The following SMARCA2 variants were observed in gnomAD, a reference collection of about 807,000 sequenced individuals.
SMARCA2 encodes SWI/SNF related BAF chromatin remodeling complex subunit ATPase 2.
SMARCA2 carries 61 observed loss-of-function variants against 199.8 expected under a neutral mutation model. The ratio of observed to expected loss-of-function variants is 0.31; its 90% CI spans 0.25 to 0.38. The LOEUF is 0.38. Ranked by LOEUF, SMARCA2 falls within the 10% of genes least tolerant of loss-of-function variation. The pLI is 1.00. For synonymous variants in SMARCA2, 935 were observed against 732.0 expected, an observed-to-expected ratio of 1.28 and a Z score of -4.48; for missense variants, 1,344 against 2,012.2, an observed-to-expected ratio of 0.67 and a Z score of 6.35.
chr9:2,073,397 A>T, intron 11 of SMARCA2, 55 bp downstream of exon 11: 4 of 1,602,216 alleles, frequency 2.5e-6, no homozygotes, highest in Middle Eastern at 1.7e-4. Flanking sequence ...GATTTTGGTA[A>T]TCTTGTACGA....
chr9:2,038,871 A>G (rs1173020860), intron 3 of SMARCA2, among the ~76,000 whole-genome samples: 2 of 152,212 alleles, frequency 1.3e-5, no homozygotes, highest in Non-Finnish European at 2.9e-5. Context: ...CAAGTTATTC[A>G]TAACATGCAT....
At position 2,104,481 on chromosome 9, in the gene SMARCA2, A is replaced by G. The variant is rs76219559; in HGVS notation, c.3292+312A>G. ...TTCCTTGCTCTTAAAATTGTTACCT[A>G]TGTGCCAAAGATATAGAATACATTG... On this transcript the variant is annotated intron_variant, in intron 23 of 33. Transcript: ENST00000349721. The surrounding 1 kb of genome is among the most constrained non-coding windows in gnomAD (Gnocchi z 4.0). Among the ~76,000 whole-genome samples the G allele has an allele frequency of 9.8e-4, 149 of 152,368 alleles. 1 individual carries two copies. The highest frequency in any genetic ancestry group is 1.5e-3 in the Non-Finnish European group (104 of 68,036).
intron 4 of SMARCA2, chr9:2,044,958 A>G (rs182153267): frequency 2.0e-5 from 3 of 152,214 alleles, no homozygotes; most frequent in Non-Finnish European, 2.9e-5. Flanking sequence ...TGGACCAGAG[A>G]TGAAAGATAT....
chr9:2,172,689 C>A, intron 29 of SMARCA2, among the ~76,000 whole-genome samples: 1 of 152,070 alleles, frequency 6.6e-6, no homozygotes, highest in East Asian at 1.9e-4. Context: ...CTGTAGTCAT[C>A]GCAGTGACTG....
At chr9:2,137,085 C>G (rs952668516) in intron 27 of SMARCA2, among the ~76,000 whole-genome samples, 4 of 152,156 alleles carry the variant, frequency 2.6e-5, no homozygotes, top group Non-Finnish European at 4.4e-5. Flanking sequence ...TTCTACCAAC[C>G]CTACTTGGCC....
intron 29 of SMARCA2, among the ~76,000 whole-genome samples, chr9:2,176,192 T>TTTTTTTTTTC (rs1826589405): frequency 6.7e-6 from 1 of 150,306 alleles, no homozygotes; most frequent in Non-Finnish European, 1.5e-5. Flanking sequence ...GTTTTTTTTT[T>TTTTTTTTTTC]TTTTTTTTTT....
At chr9:2,055,994 T>C (rs80018009) in intron 6 of SMARCA2, among the ~76,000 whole-genome samples, 1,537 of 152,338 alleles carry the variant, frequency 0.01, 22 homozygotes, top group African/African-American at 0.035. Flanking sequence ...ATATTTCAGA[T>C]GCAGTGGAAT....
At chr9:2,156,739 C>T (rs776276625) in intron 27 of SMARCA2, among the ~76,000 whole-genome samples, 6 of 152,080 alleles carry the variant, frequency 3.9e-5, no homozygotes, top group Non-Finnish European at 8.8e-5. Context: ...CCCATTGTAG[C>T]CATTTCAAGT....
intron 27 of SMARCA2, among the ~76,000 whole-genome samples, chr9:2,143,805 C>G (rs750816188): frequency 6.6e-6 from 1 of 152,186 alleles, no homozygotes; most frequent in Non-Finnish European, 1.5e-5. Flanking sequence ...CAGTGGAATT[C>G]CCAATTGGTG....
At chr9:2,066,380 C>T (rs578252285) in intron 9 of SMARCA2, among the ~76,000 whole-genome samples, 1 of 152,288 alleles carries the variant, frequency 6.6e-6, no homozygotes, top group East Asian at 1.9e-4. Context: ...CTCCTCAGCC[C>T]TGTTGTTGAT....
At chr9:2,030,038 T>C (rs960043125) in intron 2 of SMARCA2, among the ~76,000 whole-genome samples, 1 of 152,192 alleles carries the variant, frequency 6.6e-6, no homozygotes, top group African/African-American at 2.4e-5. Context: ...ATGAGGACAT[T>C]ACATACTACC....
In SMARCA2 at chr9:2,039,397, T is replaced by C. The variant is rs1457908093; in HGVS notation, c.356-69T>C. On this transcript the variant is annotated intron_variant, in intron 3 of 33. Transcript: ENST00000349721. The surrounding 1 kb of genome is among the most constrained non-coding windows in gnomAD (Gnocchi z 4.8). ...GTGTTGCTGTGGACAATTATTAGAGTATTCAGGGATATCTCTCTTTCAGGG... is the reference window on the plus strand; with the variant it reads ...GTGTTGCTGTGGACAATTATTAGAGCATTCAGGGATATCTCTCTTTCAGGG... 2 of 1,403,722 alleles carry C rather than the reference T, an allele frequency of 1.4e-6. No homozygotes were observed. The highest frequency in any genetic ancestry group is 2.0e-6 in the Non-Finnish European group (2 of 1,021,186). 87.0% of individuals were successfully genotyped at this position (1,403,722 alleles called of 1,614,324 possible).
chr9:2,058,117 C>G, intron 7 of SMARCA2, 174 bp from the exon 8 acceptor site: 1 of 601,394 alleles, frequency 1.7e-6, no homozygotes, highest in South Asian at 2.1e-5. Flanking sequence ...TCCCACCAGC[C>G]CCATGGCCCA....
rs1826105217 is a variant in SMARCA2 at position 2,169,214 on chromosome 9, G to T, written c.4200-1205G>T. ...CCTGAGGCCCTTGCACTGCTGGCCT[G>T]GCCTGGCAAGCTGCAGGGTGGACTG... On this transcript the variant is annotated intron_variant, in intron 28 of 33. Coordinates refer to ENST00000349721, the MANE Select transcript of SMARCA2 (RefSeq NM_003070.5). The surrounding 1 kb of genome is among the most constrained non-coding windows in gnomAD (Gnocchi z 6.5). 6.6e-6 allele frequency among the ~76,000 whole-genome samples: 1 copy of T among 152,176 alleles called. No homozygotes were observed. Among genetic ancestry groups the T allele is most frequent in the African/African-American group, 2.4e-5 (1 of 41,444 alleles).
chr9:2,033,983 A>G (rs1012016087), intron 3 of SMARCA2, among the ~76,000 whole-genome samples: 2 of 152,208 alleles, frequency 1.3e-5, no homozygotes, highest in Admixed American at 6.5e-5. Flanking sequence ...CTGGTGGCTG[A>G]AGCCTGTAAT....
At chr9:2,106,152 T>C (rs1822746703) in intron 23 of SMARCA2, among the ~76,000 whole-genome samples, 1 of 152,240 alleles carries the variant, frequency 6.6e-6, no homozygotes, top group Non-Finnish European at 1.5e-5. Flanking sequence ...CAGTGTGCCA[T>C]TATGATGCCC....
In SMARCA2 at chr9:2,173,098, G is replaced by C. The variant is rs534547056; in HGVS notation, c.4253+2626G>C. On this transcript the variant is annotated intron_variant, in intron 29 of 33. Coordinates refer to ENST00000349721, the MANE Select transcript of SMARCA2 (RefSeq NM_003070.5). ...GAGGAAGAGAACTCACATAGCTCTT[G>C]GATCTCTGCCCTGAGTGATCAGTGA... is the stretch of plus-strand genomic sequence containing the variant. 5.3e-5 allele frequency among the ~76,000 whole-genome samples: 8 copies of C among 152,304 alleles called. No individual in the cohort carries two copies. In the South Asian group the frequency reaches 1.7e-3, roughly 32 times the overall value.
chr9:2,178,503 C>T lies in SMARCA2; in HGVS notation c.4254-3068C>T, dbSNP rs533057185. Reference sequence around the variant, plus strand: ...GATAGGATAAGCATTTCAACAGAAACAGAACACCTTCTGTAAACAACATTG... The same window carrying T: ...GATAGGATAAGCATTTCAACAGAAATAGAACACCTTCTGTAAACAACATTG... On this transcript the variant is annotated intron_variant, in intron 29 of 33. Coordinates refer to ENST00000349721, the MANE Select transcript of SMARCA2 (RefSeq NM_003070.5). 5.9e-5 allele frequency among the ~76,000 whole-genome samples: 9 copies of T among 152,196 alleles called. No individual in the cohort carries two copies. The South Asian group carries it at 6.2e-4, about 11-fold the overall frequency.
In SMARCA2 at chr9:2,161,590, T is replaced by C. The variant is rs932639730; in HGVS notation, c.3982-96T>C. 2.7e-5 allele frequency: 22 copies of C among 806,860 alleles called. No individual in the cohort carries two copies. In the South Asian group the frequency reaches 3.8e-4, roughly 14 times the overall value. The allele number at this position is 806,860 out of a possible 1,614,324, so 50.0% of individuals were successfully genotyped here. A position where few individuals can be genotyped will look rare whatever the true frequency, so the allele number is the denominator to read the frequency against. On this transcript the variant is annotated intron_variant, in intron 27 of 33. Transcript: ENST00000349721. The surrounding 1 kb of genome is among the most constrained non-coding windows in gnomAD (Gnocchi z 4.7). Reference sequence around the variant, plus strand: ...TTTTTGGTTAATTTCTTTCATTTTATTCTAATTGTTGGAGCTATATATAAA... The same window carrying C: ...TTTTTGGTTAATTTCTTTCATTTTACTCTAATTGTTGGAGCTATATATAAA...
Sources: allele counts gnomAD v4.1 joint callset (sites outside exome capture counted in the v4.1 genomes callset), GRCh38; gene constraint gnomAD v4.1.1; non-coding constraint Gnocchi (gnomAD v3.1); transcripts MANE v1.5; gene names NCBI Gene and HGNC (gene_info 2026-07-23, HGNC 2026-07-21).